The following NCF2 variants were observed in gnomAD, a reference collection of about 807,000 sequenced individuals.
NCF2 encodes neutrophil cytosol factor 2.
In NCF2, 45 loss-of-function variants were observed where a neutral mutation model predicts 70.9. The observed-to-expected ratio is 0.63, with a 90% CI of 0.50 to 0.81. The LOEUF is 0.81. Ranked by LOEUF, NCF2 falls within the 40% of genes least tolerant of loss-of-function variation. NCF2 has a pLI of 0.00. For missense variants in NCF2, 522 were observed against 631.6 expected (o/e 0.83, Z 1.86); for synonymous variants, 203 against 233.6 (o/e 0.87, Z 1.19).
chr1:183,566,417 T>G (rs2102888884), intron 9 of NCF2, among the ~76,000 whole-genome samples: 1 of 152,320 alleles, frequency 6.6e-6, no homozygotes, highest in African/African-American at 2.4e-5. Flanking sequence ...TTTATTATTT[T>G]TATTTGTATA....
upstream of NCF2, chr1:183,590,593 G>A (rs150182900): frequency 4.6e-4 from 245 of 530,428 alleles, 2 homozygotes; most frequent in East Asian, 7.9e-3. Flanking sequence ...AGGGCGAGTA[G>A]GGGTGGAGTG....
At chr1:183,559,831 C>T (rs1189588901) in intron 14 of NCF2, among the ~76,000 whole-genome samples, 1 of 152,158 alleles carries the variant, frequency 6.6e-6, no homozygotes, top group Non-Finnish European at 1.5e-5. Context: ...TGCACTCCAG[C>T]CTGGGCAACA....
At chr1:183,592,527 C>T (rs930523168), upstream of NCF2, among the ~76,000 whole-genome samples, 2 of 152,156 alleles carry the variant, frequency 1.3e-5, no homozygotes, top group African/African-American at 4.8e-5. Flanking sequence ...ATTCTAGGAT[C>T]TCTAGCACAG....
At position 183,570,813 on chromosome 1, in the gene NCF2, G is replaced by A. The variant is rs774027102; in HGVS notation, c.636C>T (p.Asp212=). The change falls in exon 6 of 15, where the codon GAC becomes GAT. Residue 212 remains aspartate, a synonymous_variant. Coordinates refer to ENST00000367535, the MANE Select transcript of NCF2 (RefSeq NM_000433.4). ...GCAGAGGGGCAAACCCAGAGAAACTGTCTTGATCCACCACAGATGCCACGA... is the reference window on the plus strand; with the variant it reads ...GCAGAGGGGCAAACCCAGAGAAACTATCTTGATCCACCACAGATGCCACGA... ...ATVVASVVDQ[D]SFSGFAPLQP... 78 of 1,614,086 alleles carry A rather than the reference G, an allele frequency of 4.8e-5. No individual in the cohort carries two copies. The highest frequency in any genetic ancestry group is 6.5e-5 in the Non-Finnish European group (77 of 1,180,050).
chr1:183,563,649 C>T, intron 11 of NCF2, 64 bp from the exon 12 acceptor site: 2 of 1,603,144 alleles, frequency 1.2e-6, no homozygotes, highest in Non-Finnish European at 1.7e-6. Flanking sequence ...CATCCTGGAT[C>T]ACCGCAGTTT....
chr1:183,586,524 G>T (rs1467944440), intron 2 of NCF2, among the ~76,000 whole-genome samples: 1 of 152,174 alleles, frequency 6.6e-6, no homozygotes, highest in Non-Finnish European at 1.5e-5. Context: ...GATGAAGCCA[G>T]GTTTTGATGC....
intron 2 of NCF2, among the ~76,000 whole-genome samples, chr1:183,579,738 CAAAAAAA>C (rs397982209): frequency 5.6e-3 from 218 of 38,846 alleles, no homozygotes; most frequent in East Asian, 0.014. Flanking sequence ...GACTCTGTCT[CAAAAAAA>C]AAAAAAAAAA....
chr1:183,570,672 A>G lies in NCF2; in HGVS notation c.669+108T>C, dbSNP rs1672502149. The G allele has an allele frequency of 3.4e-6, 4 of 1,161,888 alleles. No homozygotes were observed. The East Asian group carries it at 9.7e-5, about 28-fold the overall frequency. The allele number at this position is 1,161,888 out of a possible 1,614,324, so 72.0% of individuals were successfully genotyped here. A position where few individuals can be genotyped will look rare whatever the true frequency, so the allele number is the denominator to read the frequency against. Reference sequence around the variant, plus strand: ...CCTCAGCTGCACTGAGGGCCACTTGAAGGAGCCCTTACAATCAGGCAACTC... The same window carrying G: ...CCTCAGCTGCACTGAGGGCCACTTGGAGGAGCCCTTACAATCAGGCAACTC... On this transcript the variant is annotated intron_variant, in intron 6 of 14. Coordinates refer to ENST00000367535, the MANE Select transcript of NCF2 (RefSeq NM_000433.4).
At chr1:183,570,670 TGAA>T in intron 6 of NCF2, 107 bp downstream of exon 6, 1 of 1,151,596 alleles carries the variant, frequency 8.7e-7, no homozygotes, top group South Asian at 1.3e-5. Context: ...GAGGGCCACT[TGAA>T]GGAGCCCTTA....
the NCF2 span, among the ~76,000 whole-genome samples, chr1:183,599,336 G>A: frequency 1.3e-5 from 2 of 152,160 alleles, no homozygotes; most frequent in African/African-American, 2.4e-5. Flanking sequence ...AACTATGATT[G>A]CACCTCTGTA....
intron 3 of NCF2, 56 bp from the exon 4 acceptor site, chr1:183,574,677 A>C: frequency 6.2e-7 from 1 of 1,600,264 alleles, no homozygotes; most frequent in East Asian, 2.2e-5. Flanking sequence ...TCAAGGTGCC[A>C]GGGAAAGGCT....
intron 13 of NCF2, among the ~76,000 whole-genome samples, 182 bp downstream of exon 13, chr1:183,563,009 ACTCT>A (rs1010222234): frequency 1.3e-5 from 2 of 151,120 alleles, no homozygotes; most frequent in African/African-American, 4.9e-5. Flanking sequence ...CTTGTGGGAA[ACTCT>A]CTCCCTGCTG....
chr1:183,583,865 T>C (rs1438128170), intron 2 of NCF2, among the ~76,000 whole-genome samples: 3 of 152,186 alleles, frequency 2.0e-5, no homozygotes, highest in African/African-American at 4.8e-5. Context: ...CTCACAGAGA[T>C]TGCTTTTTTT....
intron 2 of NCF2, among the ~76,000 whole-genome samples, chr1:183,578,325 AC>A (rs1672896583): frequency 1.3e-5 from 2 of 151,772 alleles, no homozygotes; most frequent in South Asian, 4.2e-4. Flanking sequence ...AGAAAAAAAA[AC>A]AACCACTTAT....
chr1:183,574,471 T>C lies in NCF2; in HGVS notation c.501+16A>G, dbSNP rs1672707031. 6.2e-7 allele frequency: 1 copy of C among 1,614,106 alleles called. No homozygotes were observed. Among genetic ancestry groups the C allele is most frequent in the African/African-American group, 1.3e-5 (1 of 75,056 alleles). ...CAGTGACATCCTCTCAACACCTGCA[T>C]CACCAATACGCTTACCCAGACACAC... On this transcript the variant is annotated intron_variant, in intron 4 of 14. Coordinates refer to ENST00000367535, the MANE Select transcript of NCF2 (RefSeq NM_000433.4).
chr1:183,594,465 C>T (rs1319099795), upstream of NCF2, among the ~76,000 whole-genome samples: 5 of 152,110 alleles, frequency 3.3e-5, no homozygotes, highest in Non-Finnish European at 1.5e-5. Context: ...CTTGGAATTT[C>T]TTGTTTGGTT....
At chr1:183,566,795 G>T in intron 9 of NCF2, 125 bp downstream of exon 9, 1 of 1,234,488 alleles carries the variant, frequency 8.1e-7, no homozygotes, top group Non-Finnish European at 1.2e-6. Flanking sequence ...CTCAAGGCGG[G>T]CTCAAGACTA....
chr1:183,567,002 C>G lies in NCF2; in HGVS notation c.856-14G>C. ...AACAAGCCCCTTCTGCAGTGCAGCA[C>G]CACAGAATCAGAAAGGAAAAAATAA... On this transcript the variant is annotated splice_polypyrimidine_tract_variant and intron_variant, in intron 8 of 14. Transcript: ENST00000367535. The G allele has an allele frequency of 6.2e-7, 1 of 1,614,080 alleles. No homozygotes were observed. The highest frequency in any genetic ancestry group is 8.5e-7 in the Non-Finnish European group (1 of 1,180,018).
intron 2 of NCF2, among the ~76,000 whole-genome samples, chr1:183,581,891 T>G (rs991314754): frequency 6.6e-6 from 1 of 152,120 alleles, no homozygotes; most frequent in African/African-American, 2.4e-5. Context: ...ATGGTCTCGA[T>G]CTCCTTACCT....
Sources: allele counts gnomAD v4.1 joint callset (sites outside exome capture counted in the v4.1 genomes callset), GRCh38; gene constraint gnomAD v4.1.1; transcripts MANE v1.5; gene names NCBI Gene and HGNC (gene_info 2026-07-23, HGNC 2026-07-21).